Variants in DNTT observed in about 807,000 individuals in gnomAD.
DNTT encodes the protein DNA nucleotidylexotransferase.
DNTT carries 47 observed loss-of-function variants against 60.9 expected under a neutral mutation model. That is an observed-to-expected ratio of 0.77 (90% CI 0.61 to 0.98). The LOEUF (loss-of-function observed/expected upper bound fraction) is 0.98, where lower values mean the gene tolerates loss of function less well. Among genes scored for constraint, DNTT ranks in the 50% least tolerant of loss-of-function variants. DNTT has a pLI of 0.00. For synonymous variants in DNTT, 224 were observed against 221.2 expected, an observed-to-expected ratio of 1.01 and a Z score of -0.11; for missense variants, 665 against 627.5, an observed-to-expected ratio of 1.06 and a Z score of -0.64.
intron 1 of DNTT, among the ~76,000 whole-genome samples, chr10:96,314,244 A>G (rs956372776): frequency 2.6e-5 from 4 of 152,046 alleles, no homozygotes; most frequent in African/African-American, 9.7e-5. Context: ...CTCTGCAACA[A>G]GAGGAAGTGA....
intron 8 of DNTT, among the ~76,000 whole-genome samples, chr10:96,329,763 C>T (rs757994954): frequency 9.2e-5 from 14 of 152,104 alleles, no homozygotes; most frequent in Non-Finnish European, 1.6e-4. Flanking sequence ...GAATTAGAAG[C>T]GAAGGGCAGG....
intron 1 of DNTT, among the ~76,000 whole-genome samples, chr10:96,312,150 AAC>A (rs1416171107): frequency 1.3e-5 from 2 of 152,224 alleles, no homozygotes; most frequent in East Asian, 3.8e-4. Context: ...CATGTTGGAA[AAC>A]ACAGCTGTCA....
intron 8 of DNTT, among the ~76,000 whole-genome samples, chr10:96,331,936 C>A (rs186736383): frequency 6.6e-6 from 1 of 152,184 alleles, no homozygotes; most frequent in East Asian, 1.9e-4. Flanking sequence ...TGCCATCATA[C>A]CTGGCTAATT....
At chr10:96,328,005 A>G (rs554755146) in intron 7 of DNTT, among the ~76,000 whole-genome samples, 46 of 152,238 alleles carry the variant, frequency 3.0e-4, no homozygotes, top group African/African-American at 1.1e-3. Context: ...ACATAGTTAC[A>G]GTGATTTGTT....
At chr10:96,334,497 G>T (rs899564796) in intron 9 of DNTT, among the ~76,000 whole-genome samples, 1 of 152,204 alleles carries the variant, frequency 6.6e-6, no homozygotes, top group African/African-American at 2.4e-5. Flanking sequence ...GTAGCTGGTT[G>T]TTGCTTTGAG....
intron 1 of DNTT, among the ~76,000 whole-genome samples, chr10:96,310,212 A>G (rs972415488): frequency 6.6e-6 from 1 of 152,160 alleles, no homozygotes; most frequent in Non-Finnish European, 1.5e-5. Context: ...TCCCATAAAC[A>G]CTGGGGCCTC....
At chr10:96,306,333 C>T (rs1230388413) in intron 1 of DNTT, among the ~76,000 whole-genome samples, 1 of 152,154 alleles carries the variant, frequency 6.6e-6, no homozygotes, top group Non-Finnish European at 1.5e-5. Flanking sequence ...ACTTTGTAAT[C>T]CGCCTGCCTT....
chr10:96,336,070 G>A, intron 10 of DNTT, 96 bp downstream of exon 10: 1 of 1,214,648 alleles, frequency 8.2e-7, no homozygotes, highest in Non-Finnish European at 1.2e-6. Context: ...TCCAGGTATG[G>A]TTTCCTTTGT....
chr10:96,334,535 T>C lies in DNTT; in HGVS notation c.1360-1356T>C, dbSNP rs760849937. On this transcript the variant is annotated intron_variant, in intron 9 of 10. Transcript: ENST00000371174. ...AAATGGGTTCGTAGAGGGTTTTTTA[T>C]ACAGATGAATGACACAACACAAATT... Among the ~76,000 whole-genome samples, 103 of 152,340 alleles carry C rather than the reference T, an allele frequency of 6.8e-4. 1 individual carries two copies. Among genetic ancestry groups the C allele is most frequent in the Admixed American group, 1.6e-3 (24 of 15,300 alleles).
chr10:96,328,328 T>A (rs1173038831), intron 7 of DNTT, among the ~76,000 whole-genome samples: 1 of 152,200 alleles, frequency 6.6e-6, no homozygotes, highest in Non-Finnish European at 1.5e-5. Context: ...GAAGATCAAA[T>A]CTAAGATAAT....
At chr10:96,334,572 G>A (rs1279258063) in intron 9 of DNTT, among the ~76,000 whole-genome samples, 1 of 152,192 alleles carries the variant, frequency 6.6e-6, no homozygotes, top group Non-Finnish European at 1.5e-5. Flanking sequence ...ATTGTTCTCA[G>A]CCGTGGGTTA....
In DNTT at chr10:96,318,455, G is replaced by A. The variant is rs755771727; in HGVS notation, c.307G>A (p.Asp103Asn). Residue 103 changes from aspartate to asparagine, a missense_variant, in exon 2 of 11, where the codon GAT becomes AAT. Transcript: ENST00000371174. ...VQVSSQPELL[D>N]VSWLIECIRA... ...AGTCAGCTCACAACCAGAGCTCCTC[G>A]ATGTCTCCTGGCTGATCGAATGCAT... The A allele has an allele frequency of 6.2e-6, 10 of 1,613,944 alleles. No homozygotes were observed. Among genetic ancestry groups the A allele is most frequent in the South Asian group, 1.1e-5 (1 of 91,070 alleles).
In DNTT at chr10:96,320,761, G is replaced by T. The variant is rs751601108; in HGVS notation, c.651G>T (p.Leu217=). 28 of 1,613,618 alleles carry T rather than the reference G, an allele frequency of 1.7e-5. No homozygotes were observed. The highest frequency in any genetic ancestry group is 2.2e-5 in the Non-Finnish European group (26 of 1,179,744). ...SMKDTEGIPC[L]GSKVKGIIEE... is the part of the protein sequence containing the mutation. Reference sequence around the variant, plus strand: ...AGGACACAGAAGGAATTCCCTGCCTGGGGTCCAAGGTGAAGGGTATCATAG... The same window carrying T: ...AGGACACAGAAGGAATTCCCTGCCTTGGGTCCAAGGTGAAGGGTATCATAG... The change falls in exon 4 of 11, where the codon CTG becomes CTT. Residue 217 remains leucine, a synonymous_variant. Transcript: ENST00000371174.
chr10:96,313,342 C>T (rs890462282), intron 1 of DNTT, among the ~76,000 whole-genome samples: 15 of 152,150 alleles, frequency 9.9e-5, no homozygotes, highest in African/African-American at 3.6e-4. Context: ...ACTTCAGCCT[C>T]AATCACAGAT....
At position 96,319,331 on chromosome 10, in the gene DNTT, A is replaced by G. The variant is rs776264447; in HGVS notation, c.448A>G (p.Ile150Val). 3 of 1,613,902 alleles carry G rather than the reference A, an allele frequency of 1.9e-6. No individual in the cohort carries two copies. The highest frequency in any genetic ancestry group is 2.7e-5 in the African/African-American group (2 of 75,036). ...GACTCCACCAATTGCTGTACAAAAG[A>G]TCTCCCAGTATGCGTGTCAGAGAAG... is the stretch of plus-strand genomic sequence containing the variant. ...PKTPPIAVQK[I>V]SQYACQRRTT... The change falls in exon 3 of 11, where the codon ATC becomes GTC. Residue 150 changes from isoleucine to valine, a missense_variant. By Grantham distance (29) the Ile-to-Val change is conservative. Coordinates refer to ENST00000371174, the MANE Select transcript of DNTT (RefSeq NM_004088.4).
Position 96,319,322 on chromosome 10 carries a change from G to C in DNTT, c.439G>C (p.Val147Leu), listed in dbSNP as rs772085014. The C allele has an allele frequency of 1.3e-5, 21 of 1,613,742 alleles. No homozygotes were observed. The highest frequency in any genetic ancestry group is 5.0e-5 in the Admixed American group (3 of 59,988). The stretch of plus-strand genomic sequence containing the variant: ...CCCCCCGAAGACTCCACCAATTGCT[G>C]TACAAAAGATCTCCCAGTATGCGTG... Reference protein sequence around the residue: ...PGPPKTPPIAVQKISQYACQR... With the variant: ...PGPPKTPPIALQKISQYACQR... Residue 147 changes from valine (V) to leucine (L), a missense_variant, in exon 3 of 11, where the codon GTA (valine) becomes CTA (leucine). Transcript: ENST00000371174.
chr10:96,314,603 A>G lies in DNTT; in HGVS notation c.204-3749A>G, dbSNP rs183634136. 1.4e-3 allele frequency among the ~76,000 whole-genome samples: 213 copies of G among 151,060 alleles called. 2 individuals carry two copies. Among genetic ancestry groups the G allele is most frequent in the Middle Eastern group, 0.01 (3 of 290 alleles). ...AATTTTTTGTATTTTTAGTAGAGAC[A>G]GGGTTTCACCGTGTTAGCCAGGATG... On this transcript the variant is annotated intron_variant, in intron 1 of 10. Coordinates refer to ENST00000371174, the MANE Select transcript of DNTT (RefSeq NM_004088.4).
chr10:96,305,726 T>C (rs1029403706), intron 1 of DNTT, among the ~76,000 whole-genome samples: 2 of 152,242 alleles, frequency 1.3e-5, no homozygotes, highest in African/African-American at 4.8e-5. Context: ...AGAAGAAATG[T>C]CAGCTTCCAA....
intron 4 of DNTT, among the ~76,000 whole-genome samples, chr10:96,322,101 A>G (rs1699636674): frequency 6.6e-6 from 1 of 152,070 alleles, no homozygotes; most frequent in Non-Finnish European, 1.5e-5. Flanking sequence ...GGTTGTGCTT[A>G]TTTACTGAAC....
Sources: gnomAD v4.1 joint callset for allele counts (sites outside exome capture counted in the v4.1 genomes callset) on GRCh38, gnomAD v4.1.1 for gene constraint, MANE v1.5 for transcripts, NCBI Gene and HGNC (gene_info 2026-07-23, HGNC 2026-07-21) for gene names.